LRRC63: variants seen among roughly 807,000 people sequenced by gnomAD.
The protein encoded by LRRC63 is leucine-rich repeat-containing protein 63.
LRRC63 carries 40 observed loss-of-function variants against 49.5 expected under a neutral mutation model. The ratio of observed to expected loss-of-function variants is 0.81; its 90% CI spans 0.63 to 1.05. LRRC63 has a LOEUF of 1.05. Among genes scored for constraint, LRRC63 ranks in the 50% least tolerant of loss-of-function variants. LRRC63 has a pLI of 0.00. For missense variants in LRRC63, 636 were observed against 663.1 expected (o/e 0.96, Z 0.45); for synonymous variants, 191 against 221.1 (o/e 0.86, Z 1.21).
chr13:46,261,178 A>C (rs982733635), intron 7 of LRRC63, among the ~76,000 whole-genome samples: 3 of 152,216 alleles, frequency 2.0e-5, no homozygotes, highest in Admixed American at 6.5e-5. Context: ...TGATGGAAAG[A>C]AAGATTAAAG....
At chr13:46,223,232 G>GA (rs955719321) in intron 2 of LRRC63, among the ~76,000 whole-genome samples, 1 of 151,320 alleles carries the variant, frequency 6.6e-6, no homozygotes, top group Non-Finnish European at 1.5e-5. Context: ...TTAAAAAAAA[G>GA]AAAAAAAATA....
intron 9 of LRRC63, 28 bp downstream of exon 9, chr13:46,267,000 CA>C: frequency 6.7e-7 from 1 of 1,493,498 alleles, no homozygotes. Flanking sequence ...CCCTTTTAAC[CA>C]AAATATACCT....
chr13:46,228,082 A>G (rs1566477626), exon 3 of LRRC63: 1 of 1,550,990 alleles, frequency 6.4e-7, no homozygotes, highest in Non-Finnish European at 8.7e-7. Flanking sequence ...TGGCCTGAAC[A>G]TTTTAAATCA....
At chr13:46,232,060 C>T (rs924655535) in intron 4 of LRRC63, among the ~76,000 whole-genome samples, 16 of 151,914 alleles carry the variant, frequency 1.1e-4, no homozygotes, top group Non-Finnish European at 1.6e-4. Context: ...CGTGATCCGC[C>T]GGCCTCGGCC....
intron 4 of LRRC63, among the ~76,000 whole-genome samples, chr13:46,231,929 C>A (rs1204328463): frequency 1.3e-5 from 2 of 151,556 alleles, no homozygotes; most frequent in Non-Finnish European, 2.9e-5. Context: ...CATTCTCCTG[C>A]CTCAGCCTCA....
rs577712337 is a variant in LRRC63, at chr13:46,235,538, G to A, written c.990+1189G>A. Reference sequence around the variant, plus strand: ...AACAAAACAAACCCCAAAGAGAGGGGAAAATGTGATTTCCAGAGTTAACAC... The same window carrying A: ...AACAAAACAAACCCCAAAGAGAGGGAAAAATGTGATTTCCAGAGTTAACAC... On this transcript the variant is annotated intron_variant, in intron 5 of 9. Coordinates refer to ENST00000595396, the Ensembl canonical transcript of LRRC63. Among the ~76,000 whole-genome samples, 299 of 152,104 alleles carry A rather than the reference G, an allele frequency of 2.0e-3. 1 individual carries two copies. The highest frequency in any genetic ancestry group is 6.6e-3 in the African/African-American group (274 of 41,498).
chr13:46,222,521 C>T (rs1273605570), intron 2 of LRRC63, among the ~76,000 whole-genome samples: 5 of 152,110 alleles, frequency 3.3e-5, no homozygotes, highest in Admixed American at 6.5e-5. Flanking sequence ...AAGAGGGTAT[C>T]CTCCAGTTAG....
intron 2 of LRRC63, among the ~76,000 whole-genome samples, chr13:46,215,006 C>T (rs2046207994): frequency 6.6e-6 from 1 of 152,198 alleles, no homozygotes; most frequent in Non-Finnish European, 1.5e-5. Context: ...TTTATCCAGT[C>T]TATCACTGAC....
chr13:46,248,664 A>T (rs2047286947), intron 6 of LRRC63, among the ~76,000 whole-genome samples: 1 of 151,974 alleles, frequency 6.6e-6, no homozygotes, highest in South Asian at 2.1e-4. Context: ...AGGAATAGAA[A>T]ATGCAACTAT....
intron 4 of LRRC63, among the ~76,000 whole-genome samples, chr13:46,231,936 C>T (rs372538227): frequency 5.1e-4 from 78 of 151,948 alleles, no homozygotes; most frequent in African/African-American, 1.9e-3. Context: ...CTGCCTCAGC[C>T]TCACGAGTAG....
intron 2 of LRRC63, among the ~76,000 whole-genome samples, chr13:46,219,825 C>G (rs1282563046): frequency 6.6e-6 from 1 of 152,184 alleles, no homozygotes; most frequent in Admixed American, 6.5e-5. Context: ...CTATTCCTTT[C>G]TGTTTGTTAT....
chr13:46,223,461 C>T lies in LRRC63; in HGVS notation c.86-4051C>T, dbSNP rs116837705. ...GAAGGATAATTTTGCTGGGTAGACTCTTCTTGGCTGACAGTTTTTTTTGTT... is the reference window on the plus strand; with the variant it reads ...GAAGGATAATTTTGCTGGGTAGACTTTTCTTGGCTGACAGTTTTTTTTGTT... On this transcript the variant is annotated intron_variant, in intron 2 of 9. Transcript: ENST00000595396. 4.4e-3 allele frequency among the ~76,000 whole-genome samples: 652 copies of T among 147,064 alleles called. 4 individuals carry two copies. The highest frequency in any genetic ancestry group is 0.016 in the African/African-American group (620 of 39,260).
intron 5 of LRRC63, among the ~76,000 whole-genome samples, chr13:46,240,344 G>T (rs1406376159): frequency 3.3e-5 from 5 of 151,930 alleles, no homozygotes; most frequent in Non-Finnish European, 5.9e-5. Flanking sequence ...AGCCAGGATG[G>T]TCTCTATCTC....
chr13:46,246,671 T>C (rs1422719303), intron 6 of LRRC63, 46 bp downstream of exon 6: 6 of 820,540 alleles, frequency 7.3e-6, no homozygotes. Context: ...TTGTCGTGAA[T>C]AATAATTATA....
exon 1 of LRRC63, chr13:46,211,988 G>A (rs1466502577): frequency 2.0e-5 from 3 of 152,560 alleles, no homozygotes; most frequent in Non-Finnish European, 4.4e-5. Flanking sequence ...GCCTCCTAGA[G>A]GGTGGGGATC....
intron 5 of LRRC63, among the ~76,000 whole-genome samples, chr13:46,235,898 G>A (rs1217490412): frequency 6.6e-6 from 1 of 152,066 alleles, no homozygotes; most frequent in Non-Finnish European, 1.5e-5. Context: ...AGAATAATGT[G>A]TGAACAAAGA....
intron 7 of LRRC63, among the ~76,000 whole-genome samples, chr13:46,257,870 A>G (rs2047540226): frequency 1.3e-5 from 2 of 152,146 alleles, no homozygotes; most frequent in Middle Eastern, 3.4e-3. Context: ...AATTCTTTTC[A>G]TTATTAGTCT....
chr13:46,229,945 G>C (rs376493473), intron 4 of LRRC63, among the ~76,000 whole-genome samples: 5 of 152,092 alleles, frequency 3.3e-5, no homozygotes, highest in Non-Finnish European at 5.9e-5. Context: ...CACATGATGA[G>C]AGCGGGAGCA....
intron 2 of LRRC63, among the ~76,000 whole-genome samples, chr13:46,223,066 TG>T (rs909895197): frequency 1.7e-5 from 1 of 60,228 alleles, no homozygotes; most frequent in African/African-American, 7.0e-5. Flanking sequence ...TGTTGTGGGG[TG>T]GGGGGAGGGG....
Sources: gnomAD v4.1 joint callset for allele counts (sites outside exome capture counted in the v4.1 genomes callset) on GRCh38, gnomAD v4.1.1 for gene constraint, MANE v1.5 for transcripts, NCBI Gene and HGNC (gene_info 2026-07-23, HGNC 2026-07-21) for gene names.